MYH14: variants seen among roughly 807,000 people sequenced by gnomAD.
MYH14 encodes myosin heavy chain 14.
Under a neutral mutation model 255.5 loss-of-function variants are expected in MYH14, and 123 were observed. The ratio of observed to expected loss-of-function variants is 0.48; its 90% CI spans 0.42 to 0.56. MYH14 has a LOEUF of 0.56. Ranked by LOEUF, MYH14 falls within the 20% of genes least tolerant of loss-of-function variation. MYH14 has a pLI of 0.00. For missense variants in MYH14, 2,423 were observed against 2,802.3 expected, an observed-to-expected ratio of 0.86 and a Z score of 3.06; for synonymous variants, 1,095 against 1,161.2, an observed-to-expected ratio of 0.94 and a Z score of 1.16.
chr19:50,301,019 A>G (rs1029341250), intron 39 of MYH14, among the ~76,000 whole-genome samples: 5 of 152,162 alleles, frequency 3.3e-5, no homozygotes, highest in African/African-American at 9.7e-5. Context: ...CGAGGGTAAA[A>G]TAAAGTATGA....
chr19:50,253,218 G>A (rs568395416), intron 16 of MYH14, among the ~76,000 whole-genome samples: 4 of 152,234 alleles, frequency 2.6e-5, no homozygotes, highest in Middle Eastern at 3.4e-3. Context: ...CAAGGTGGGC[G>A]GATCACTTGA....
At chr19:50,222,467 A>G (rs1342973451) in intron 3 of MYH14, among the ~76,000 whole-genome samples, 19 of 142,602 alleles carry the variant, frequency 1.3e-4, no homozygotes, top group Admixed American at 5.8e-4. Context: ...GCGACAGAGC[A>G]AGACTCCGTC....
At position 50,301,694 on chromosome 19, in the gene MYH14, C is replaced by T. The variant is rs751422907; in HGVS notation, c.5503C>T (p.Arg1835Cys). 8 of 1,613,790 alleles carry T rather than the reference C, an allele frequency of 5.0e-6. No homozygotes were observed. Among genetic ancestry groups the T allele is most frequent in the East Asian group, 2.2e-5 (1 of 44,874 alleles). Reference sequence around the variant, plus strand: ...ACTGACCACAGAGCTGTCAGCTGAGCGCAGTTTCTCAGCCAAGGCAGAGAG... The same window carrying T: ...ACTGACCACAGAGCTGTCAGCTGAGTGCAGTTTCTCAGCCAAGGCAGAGAG... ...ESLTTELSAE[R>C]SFSAKAESGR... Residue 1835 changes from arginine (R) to cysteine (C), a missense_variant, in exon 40 of 43, where the codon CGC (arginine) becomes TGC (cysteine). Transcript: ENST00000642316.
intron 40 of MYH14, among the ~76,000 whole-genome samples, chr19:50,303,879 C>T (rs1034306401): frequency 1.3e-5 from 2 of 152,156 alleles, no homozygotes; most frequent in Non-Finnish European, 2.9e-5. Flanking sequence ...AGAATGCCCC[C>T]ATAACATTCC....
At chr19:50,208,958 A>C (rs952795544) in intron 1 of MYH14, among the ~76,000 whole-genome samples, 2 of 152,082 alleles carry the variant, frequency 1.3e-5, no homozygotes, top group African/African-American at 4.8e-5. Flanking sequence ...GTTTGAGACC[A>C]GTCTGGGCAA....
chr19:50,274,816 A>C (rs1486873049), intron 27 of MYH14, among the ~76,000 whole-genome samples: 1 of 151,948 alleles, frequency 6.6e-6, no homozygotes, highest in Non-Finnish European at 1.5e-5. Flanking sequence ...CTGTAGTCTC[A>C]GCTACTTAGA....
At chr19:50,207,975 T>G (rs948783716) in intron 1 of MYH14, among the ~76,000 whole-genome samples, 3 of 152,182 alleles carry the variant, frequency 2.0e-5, no homozygotes, top group Non-Finnish European at 4.4e-5. Context: ...ACCCCCTTCC[T>G]CGCTCCTGTC....
intron 18 of MYH14, among the ~76,000 whole-genome samples, chr19:50,258,882 T>C (rs2034708399): frequency 1.3e-5 from 2 of 152,034 alleles, no homozygotes; most frequent in South Asian, 4.1e-4. Context: ...GGATCTTTTC[T>C]CCTTAGCACT....
At chr19:50,262,815 A>G (rs2034934834) in intron 21 of MYH14, among the ~76,000 whole-genome samples, 1 of 152,130 alleles carries the variant, frequency 6.6e-6, no homozygotes, top group Admixed American at 6.5e-5. Flanking sequence ...AGTCGGGAGC[A>G]GGGGGACGAA....
At chr19:50,261,670 G>T (rs1400065407) in intron 21 of MYH14, 35 bp downstream of exon 21, 2 of 1,546,338 alleles carry the variant, frequency 1.3e-6, no homozygotes, top group South Asian at 1.2e-5. Flanking sequence ...GGTCCTGTTG[G>T]CCGAGACTGG....
intron 10 of MYH14, among the ~76,000 whole-genome samples, chr19:50,243,621 C>A (rs1389245537): frequency 6.6e-6 from 1 of 152,140 alleles, no homozygotes; most frequent in Non-Finnish European, 1.5e-5. Flanking sequence ...GAGCAAGACC[C>A]CATTCAAAAT....
chr19:50,247,072 C>T lies in MYH14; in HGVS notation c.1279C>T (p.Arg427Cys). The T allele has an allele frequency of 3.1e-6, 5 of 1,613,550 alleles. No individual in the cohort carries two copies. Among genetic ancestry groups the T allele is most frequent in the South Asian group, 1.1e-5 (1 of 90,930 alleles). ...TTTCTCCCGAGCCTTGCTCACCCCT[C>T]GCATCAAAGTTGGCCGAGACTATGT... The part of the protein sequence containing the change: ...TDFSRALLTP[R>C]IKVGRDYVQK... The change falls in exon 12 of 43, where the codon CGC becomes TGC. Residue 427 changes from arginine to cysteine, a missense_variant. By Grantham distance (180) the Arg-to-Cys change is radical. Around this residue, in one of 3 missense-constraint regions of MYH14, gnomAD observed 672 missense variants for 881.8 expected, o/e 0.76. Coordinates refer to ENST00000642316, the MANE Select transcript of MYH14 (RefSeq NM_001145809.2).
chr19:50,207,313 G>GAGAGAGAGAGAGAT (rs2031859554), intron 1 of MYH14, among the ~76,000 whole-genome samples: 1 of 148,998 alleles, frequency 6.7e-6, no homozygotes, highest in Admixed American at 6.7e-5. Context: ...GAGAGAGAGA[G>GAGAGAGAGAGAGAT]ACTAGGGGCA....
chr19:50,207,966 C>T (rs573768030), intron 1 of MYH14, among the ~76,000 whole-genome samples: 6 of 152,294 alleles, frequency 3.9e-5, no homozygotes, highest in African/African-American at 1.4e-4. Flanking sequence ...CTCCCAACAA[C>T]CCCCTTCCTC....
At chr19:50,222,755 A>G (rs2123202795) in intron 3 of MYH14, among the ~76,000 whole-genome samples, 1 of 152,156 alleles carries the variant, frequency 6.6e-6, no homozygotes, top group South Asian at 2.1e-4. Flanking sequence ...TTTGAATCTC[A>G]CATGCCCAGC....
Position 50,261,490 on chromosome 19 carries a change from C to T in MYH14, c.2440C>T (p.Leu814=), listed in dbSNP as rs761338669. The part of the protein sequence containing the change: ...ACEKMIQALE[L]DPNLYRVGQS... ...CCCCTCACAGATCCAGGCGCTGGAA[C>T]TGGACCCCAACCTCTACCGCGTGGG... The change falls in exon 21 of 43, where the codon CTG becomes TTG. Residue 814 remains leucine, a synonymous_variant. Coordinates refer to ENST00000642316, the MANE Select transcript of MYH14 (RefSeq NM_001145809.2). 1 of 1,478,652 alleles carries T rather than the reference C, an allele frequency of 6.8e-7. No individual in the cohort carries two copies. Among genetic ancestry groups the T allele is most frequent in the South Asian group, 1.2e-5 (1 of 80,812 alleles). 91.6% of individuals were successfully genotyped at this position (1,478,652 alleles called of 1,614,324 possible).
Position 50,242,171 on chromosome 19 carries a change from A to G in MYH14, c.1115-2071A>G, listed in dbSNP as rs552219908. Among the ~76,000 whole-genome samples the G allele has an allele frequency of 6.6e-5, 10 of 152,274 alleles. No individual in the cohort carries two copies. In the East Asian group the frequency reaches 1.9e-3, roughly 29 times the overall value. ...TCCAGAAACACCCGACCCCTCCACA[A>G]GTTCCTGAGACATATTCTAGGGGGC... On this transcript the variant is annotated intron_variant, in intron 10 of 42. Coordinates refer to ENST00000642316, the MANE Select transcript of MYH14 (RefSeq NM_001145809.2).
intron 11 of MYH14, 76 bp from the exon 12 acceptor site, chr19:50,246,928 A>G: frequency 9.5e-7 from 1 of 1,050,466 alleles, no homozygotes; most frequent in Non-Finnish European, 1.4e-6. Flanking sequence ...AGTGTGGGAA[A>G]CGGTACCCTC....
chr19:50,302,283 C>CAAAAA (rs1568557708), intron 40 of MYH14, among the ~76,000 whole-genome samples: 11 of 114,200 alleles, frequency 9.6e-5, no homozygotes, highest in African/African-American at 4.5e-4. Flanking sequence ...GACCTTGTCT[C>CAAAAA]TAAAAAAAAA....
Sources: allele counts gnomAD v4.1 joint callset (sites outside exome capture counted in the v4.1 genomes callset), GRCh38; gene constraint gnomAD v4.1.1; regional missense constraint gnomAD v4.1.1; transcripts MANE v1.5; gene names NCBI Gene and HGNC (gene_info 2026-07-23, HGNC 2026-07-21).